Variants in SULT1B1 observed in about 807,000 individuals in gnomAD.
The protein encoded by SULT1B1 is sulfotransferase 1B1.
A neutral mutation model predicts 34.6 loss-of-function variants in SULT1B1; 28 were observed. The observed-to-expected ratio is 0.81, with a 90% confidence interval of 0.60 to 1.11. SULT1B1 has a LOEUF of 1.11. Among genes scored for constraint, SULT1B1 ranks in the 50% least tolerant of loss-of-function variants. SULT1B1 has a pLI of 0.00. For synonymous variants in SULT1B1, 147 were observed against 110.2 expected (o/e 1.33, Z -2.09); for missense variants, 374 against 352.2 (o/e 1.06, Z -0.50).
rs147497645 is a variant in SULT1B1 at position 69,722,715 on chromosome 4, G to C, written c.*4373C>G. On this transcript the variant is annotated 3_prime_UTR_variant, in exon 8 of 8. Coordinates refer to ENST00000310613, the MANE Select transcript of SULT1B1 (RefSeq NM_014465.4). Reference sequence around the variant, plus strand: ...TTTGCTGGGGTTGGAAAAGAGAAATGTTACAGCTTAAGGAGCTATTTTAGC... The same window carrying C: ...TTTGCTGGGGTTGGAAAAGAGAAATCTTACAGCTTAAGGAGCTATTTTAGC... The C allele has an allele frequency of 6.6e-6, 1 of 152,086 alleles. No homozygotes were observed. The highest frequency in any genetic ancestry group is 2.4e-5 in the African/African-American group (1 of 41,416). The allele number at this position is 152,086 out of a possible 1,614,324, so 9.4% of individuals were successfully genotyped here.
chr4:69,749,990 C>T (rs1328297568), intron 3 of SULT1B1, among the ~76,000 whole-genome samples, 172 bp from the exon 4 acceptor site: 2 of 152,118 alleles, frequency 1.3e-5, no homozygotes, highest in Non-Finnish European at 2.9e-5. Flanking sequence ...GTGTAACATT[C>T]AAGGATACAC....
At chr4:69,737,595 G>A (rs1718369562) in intron 4 of SULT1B1, among the ~76,000 whole-genome samples, 2 of 152,136 alleles carry the variant, frequency 1.3e-5, no homozygotes, top group South Asian at 4.1e-4. Context: ...CTAAATGGAA[G>A]TAAGGTATTT....
chr4:69,754,097 T>C (rs1209017103), intron 3 of SULT1B1, among the ~76,000 whole-genome samples: 1 of 152,222 alleles, frequency 6.6e-6, no homozygotes, highest in Non-Finnish European at 1.5e-5. Context: ...AGCTTTCCTA[T>C]TGTTCGCTTC....
chr4:69,746,032 C>A (rs1578061095), intron 4 of SULT1B1, among the ~76,000 whole-genome samples: 1 of 152,122 alleles, frequency 6.6e-6, no homozygotes, highest in South Asian at 2.1e-4. Context: ...GAATATGGGC[C>A]CTCAATCTCT....
chr4:69,734,620 C>T (rs989647142), intron 4 of SULT1B1, among the ~76,000 whole-genome samples: 2 of 151,786 alleles, frequency 1.3e-5, no homozygotes, highest in Non-Finnish European at 2.9e-5. Context: ...AGAATACCAG[C>T]AAATTGAAAA....
At chr4:69,759,521 T>G (rs902549332) in intron 1 of SULT1B1, among the ~76,000 whole-genome samples, 35 of 152,184 alleles carry the variant, frequency 2.3e-4, no homozygotes, top group Non-Finnish European at 2.6e-4. Context: ...GCTAGTCACC[T>G]CTGGGAAGTG....
chr4:69,756,976 CACAG>C (rs1286879150), intron 1 of SULT1B1, among the ~76,000 whole-genome samples: 1,873 of 149,626 alleles, frequency 0.013, 36 homozygotes, highest in African/African-American at 0.044. Context: ...CACACACACA[CACAG>C]ACACACACAC....
chr4:69,745,741 T>A (rs72648445), intron 4 of SULT1B1, among the ~76,000 whole-genome samples: 7,562 of 152,238 alleles, frequency 0.05, 327 homozygotes, highest in Middle Eastern at 0.078. Context: ...GAAGATTTGA[T>A]CCTGTAATTG....
At chr4:69,734,810 A>G (rs1251288516) in intron 4 of SULT1B1, among the ~76,000 whole-genome samples, 3 of 147,874 alleles carry the variant, frequency 2.0e-5, no homozygotes, top group Non-Finnish European at 4.5e-5. Context: ...TAGACTCACT[A>G]TTTTCTACTT....
rs1560521893 is a variant in SULT1B1 at position 69,734,180 on chromosome 4, CA to C, written c.459del (p.Gly154ValfsTer11). 2 of 1,610,520 alleles carry C rather than the reference CA, an allele frequency of 1.2e-6. No individual in the cohort carries two copies. Among genetic ancestry groups the C allele is most frequent in the Admixed American group, 3.3e-5 (2 of 59,730 alleles). On this transcript the variant is annotated frameshift_variant, in exon 5 of 8. Coordinates refer to ENST00000310613, the MANE Select transcript of SULT1B1 (RefSeq NM_014465.4). LOFTEE classifies it high-confidence loss of function. ...FDLMNNLQPFPGTWEEYLEKF... is the reference protein window; with the variant it reads ...FDLMNNLQPFXGTWEEYLEKF... ...TTCTCCAGATATTCTTCCCAGGTAC[CA>C]GGAAAAGGCTGTAAATTATTCATTA...
chr4:69,733,464 C>T lies in SULT1B1; in HGVS notation c.546G>A (p.Lys182=), dbSNP rs765728127. ...AAAGTATTGGGTGTTCTTCCTTTTTCTTCCACCAGTTTTTAACATGAGTAA... is the reference window on the plus strand; with the variant it reads ...AAAGTATTGGGTGTTCTTCCTTTTTTTTCCACCAGTTTTTAACATGAGTAA... ...SWFTHVKNWW[K]KKEEHPILFL... is the part of the protein sequence containing the mutation. Residue 182 remains lysine, a synonymous_variant, in exon 6 of 8, where the codon AAG becomes AAA. Coordinates refer to ENST00000310613, the MANE Select transcript of SULT1B1 (RefSeq NM_014465.4). The T allele has an allele frequency of 2.2e-5, 35 of 1,607,696 alleles. No homozygotes were observed. The South Asian group carries it at 3.2e-4, about 15-fold the overall frequency.
At chr4:69,731,543 T>A (rs1718079848) in intron 6 of SULT1B1, among the ~76,000 whole-genome samples, 1 of 152,228 alleles carries the variant, frequency 6.6e-6, no homozygotes, top group Admixed American at 6.5e-5. Flanking sequence ...TTTACCTCAC[T>A]TATTAGGAAT....
chr4:69,749,603 G>T, intron 4 of SULT1B1, 118 bp downstream of exon 4: 1 of 668,530 alleles, frequency 1.5e-6, no homozygotes, highest in South Asian at 2.0e-5. Context: ...AGTGGGTATA[G>T]TATAGATTGT....
intron 3 of SULT1B1, among the ~76,000 whole-genome samples, chr4:69,753,816 G>GA (rs1719080767): frequency 6.6e-6 from 1 of 152,144 alleles, no homozygotes; most frequent in African/African-American, 2.4e-5. Flanking sequence ...ACCCTTGTGC[G>GA]AATCACCAAG....
chr4:69,727,007 G>A lies in SULT1B1; in HGVS notation c.*81C>T. ...TTCTCCTTTATAAATTCATTTGATT[G>A]CCCAAATCAATTCATAACTGCCCTC... On this transcript the variant is annotated 3_prime_UTR_variant, in exon 8 of 8. Transcript: ENST00000310613. The A allele has an allele frequency of 1.1e-6, 1 of 934,612 alleles. No individual in the cohort carries two copies. Among genetic ancestry groups the A allele is most frequent in the Non-Finnish European group, 1.6e-6 (1 of 633,742 alleles). 57.9% of individuals were successfully genotyped at this position (934,612 alleles called of 1,614,324 possible).
At position 69,734,237 on chromosome 4, in the gene SULT1B1, C is replaced by A. The variant is rs201965140; in HGVS notation, c.403G>T (p.Asp135Tyr). 9 of 1,612,360 alleles carry A rather than the reference C, an allele frequency of 5.6e-6. No individual in the cohort carries two copies. The highest frequency in any genetic ancestry group is 6.8e-6 in the Non-Finnish European group (8 of 1,179,314). ...AAATGGTAATATGAGACTGAAACAT[C>A]CTTGGCATTACGAGCCAGATAAATC... The part of the protein sequence containing the change: ...KMIYLARNAK[D>Y]VSVSYYHFDL... The change falls in exon 5 of 8, where the codon GAT becomes TAT. Residue 135 changes from aspartate to tyrosine, a missense_variant. Coordinates refer to ENST00000310613, the MANE Select transcript of SULT1B1 (RefSeq NM_014465.4).
At chr4:69,741,816 A>G (rs1362225020) in intron 4 of SULT1B1, among the ~76,000 whole-genome samples, 1 of 152,170 alleles carries the variant, frequency 6.6e-6, no homozygotes, top group African/African-American at 2.4e-5. Context: ...AAAAAATCAT[A>G]TTGACTATGA....
chr4:69,731,148 A>G (rs72648426), intron 6 of SULT1B1, among the ~76,000 whole-genome samples: 2,349 of 152,316 alleles, frequency 0.015, 34 homozygotes, highest in South Asian at 0.041. Context: ...AGTACCAATC[A>G]GTGGCCTGTT....
intron 4 of SULT1B1, among the ~76,000 whole-genome samples, chr4:69,746,450 A>C (rs192053621): frequency 6.6e-6 from 1 of 152,136 alleles, no homozygotes; most frequent in African/African-American, 2.4e-5. Flanking sequence ...TCAAAGGAAC[A>C]GTCTTCCATC....
Sources: gnomAD v4.1 joint callset for allele counts (sites outside exome capture counted in the v4.1 genomes callset) on GRCh38, gnomAD v4.1.1 for gene constraint, MANE v1.5 for transcripts, NCBI Gene and HGNC (gene_info 2026-07-23, HGNC 2026-07-21) for gene names.